Variants in GABRG3 observed in about 807,000 individuals in gnomAD.
The protein encoded by GABRG3 is gamma-aminobutyric acid receptor subunit gamma-3.
In GABRG3, 25 loss-of-function variants were observed where a neutral mutation model predicts 48.8. The observed-to-expected ratio is 0.51, with a 90% CI of 0.37 to 0.72. The LOEUF (loss-of-function observed/expected upper bound fraction) is 0.72. Ranked by LOEUF, GABRG3 falls within the 30% of genes least tolerant of loss-of-function variation. GABRG3 has a pLI of 0.00. For missense variants in GABRG3, 394 were observed against 577.9 expected (o/e 0.68, Z 3.26); for synonymous variants, 227 against 217.6 (o/e 1.04, Z -0.38).
chr15:27,396,179 C>A (rs1887293042), intron 5 of GABRG3, among the ~76,000 whole-genome samples: 1 of 152,126 alleles, frequency 6.6e-6, no homozygotes, highest in African/African-American at 2.4e-5. Flanking sequence ...TTACTAAAGT[C>A]TTTTGCTCTG....
In GABRG3 at chr15:27,140,872, T is replaced by A. The variant is rs1214913639; in HGVS notation, c.270+114051T>A. ...GGTTCTGATTCTCTGATTTTTGACATCTCATTTATATTTAAGAGTGAGGGA... is the reference window on the plus strand; with the variant it reads ...GGTTCTGATTCTCTGATTTTTGACAACTCATTTATATTTAAGAGTGAGGGA... On this transcript the variant is annotated intron_variant, in intron 3 of 9. Transcript: ENST00000615808. Among the ~76,000 whole-genome samples the A allele has an allele frequency of 2.0e-5, 3 of 152,330 alleles. No homozygotes were observed. The East Asian group carries it at 5.8e-4, about 29-fold the overall frequency.
At chr15:27,467,648 G>A (rs975853173) in intron 5 of GABRG3, among the ~76,000 whole-genome samples, 8 of 152,160 alleles carry the variant, frequency 5.3e-5, no homozygotes, top group Admixed American at 1.3e-4. Flanking sequence ...ATAGCCTTTA[G>A]TTCTATTTTT....
chr15:27,350,432 A>G (rs1199213960), intron 5 of GABRG3: 3 of 327,676 alleles, frequency 9.2e-6, no homozygotes, highest in African/African-American at 6.5e-5. Flanking sequence ...GTTTTTTCAA[A>G]TGGATATCAG....
chr15:27,309,039 C>T (rs963347796), intron 3 of GABRG3, among the ~76,000 whole-genome samples: 1 of 149,772 alleles, frequency 6.7e-6, no homozygotes, highest in African/African-American at 2.4e-5. Context: ...ATAATGTAAA[C>T]ATATGTTTAT....
chr15:27,023,065 A>G (rs1162449648), intron 2 of GABRG3, among the ~76,000 whole-genome samples: 2 of 152,242 alleles, frequency 1.3e-5, no homozygotes, highest in African/African-American at 2.4e-5. Flanking sequence ...ACTAATTCTC[A>G]ATTCTTAGGA....
intron 3 of GABRG3, among the ~76,000 whole-genome samples, chr15:27,130,836 A>G (rs117906506): frequency 2.0e-5 from 3 of 152,202 alleles, no homozygotes; most frequent in African/African-American, 4.8e-5. Flanking sequence ...ACGTGAAAAT[A>G]TAACTGATTT....
intron 3 of GABRG3, among the ~76,000 whole-genome samples, chr15:27,045,014 C>A (rs1896338686): frequency 6.6e-6 from 1 of 152,136 alleles, no homozygotes; most frequent in African/African-American, 2.4e-5. Flanking sequence ...ACAATCAATA[C>A]TAAAAAGTAA....
intron 3 of GABRG3, among the ~76,000 whole-genome samples, chr15:27,226,166 G>A (rs568107526): frequency 5.9e-5 from 9 of 152,174 alleles, no homozygotes; most frequent in African/African-American, 2.2e-4. Context: ...TGAGAATAGA[G>A]CGCCCAGGGA....
At chr15:27,403,921 A>C (rs1481069633) in intron 5 of GABRG3, among the ~76,000 whole-genome samples, 4 of 130,842 alleles carry the variant, frequency 3.1e-5, no homozygotes, top group Non-Finnish European at 4.6e-5. Context: ...AAACAAAAAA[A>C]AAAAAAACAA....
intron 3 of GABRG3, among the ~76,000 whole-genome samples, chr15:27,056,367 A>G (rs1398132809): frequency 2.0e-5 from 3 of 150,942 alleles, no homozygotes; most frequent in East Asian, 1.9e-4. Context: ...AAAAAAAAAA[A>G]AAAAAAGAAA....
intron 5 of GABRG3, among the ~76,000 whole-genome samples, chr15:27,403,562 T>C (rs1326404370): frequency 2.0e-5 from 3 of 151,994 alleles, no homozygotes; most frequent in Admixed American, 2.0e-4. Context: ...ACCTTGAGAG[T>C]TACTTCTCAA....
chr15:27,190,285 A>G (rs1010149197), intron 3 of GABRG3, among the ~76,000 whole-genome samples: 1 of 152,202 alleles, frequency 6.6e-6, no homozygotes, highest in Non-Finnish European at 1.5e-5. Context: ...TGATTGGAAT[A>G]GTTTCAGAAG....
intron 3 of GABRG3, among the ~76,000 whole-genome samples, chr15:27,244,456 A>G (rs1890217368): frequency 6.6e-6 from 1 of 152,250 alleles, no homozygotes; most frequent in Non-Finnish European, 1.5e-5. Context: ...CTTAGCTAAC[A>G]GAGAACATAT....
At chr15:27,512,142 G>A (rs1466736403) in intron 6 of GABRG3, among the ~76,000 whole-genome samples, 1 of 152,052 alleles carries the variant, frequency 6.6e-6, no homozygotes, top group Admixed American at 6.5e-5. Flanking sequence ...TATTTTAAAA[G>A]GATTATGTTG....
At chr15:27,146,442 G>A (rs774696964) in intron 3 of GABRG3, among the ~76,000 whole-genome samples, 3 of 152,168 alleles carry the variant, frequency 2.0e-5, no homozygotes, top group Non-Finnish European at 2.9e-5. Context: ...GCGTGACACG[G>A]TGAGACTCTG....
intron 3 of GABRG3, among the ~76,000 whole-genome samples, chr15:27,292,181 C>G (rs1393610411): frequency 1.3e-5 from 2 of 149,030 alleles, no homozygotes; most frequent in African/African-American, 2.5e-5. Context: ...TTTATCCAGT[C>G]TATCATTGAT....
At chr15:27,470,271 C>T (rs142620487) in intron 5 of GABRG3, among the ~76,000 whole-genome samples, 17 of 149,154 alleles carry the variant, frequency 1.1e-4, no homozygotes, top group African/African-American at 3.2e-4. Flanking sequence ...GGCGGAGTCT[C>T]GCTCTGTAAT....
chr15:27,251,000 TCCACACTTG>T (rs1045822174), intron 3 of GABRG3, among the ~76,000 whole-genome samples: 6 of 152,154 alleles, frequency 3.9e-5, no homozygotes, highest in African/African-American at 1.4e-4. Context: ...CACAGTGCAG[TCCACACTTG>T]CAGGTCGCAG....
intron 2 of GABRG3, among the ~76,000 whole-genome samples, chr15:27,015,676 C>T (rs1014111923): frequency 1.5e-4 from 23 of 152,048 alleles, no homozygotes; most frequent in Admixed American, 9.2e-4. Flanking sequence ...TGTGAGCCAC[C>T]GCGCCCGGCC....
Sources: allele counts gnomAD v4.1 joint callset (sites outside exome capture counted in the v4.1 genomes callset), GRCh38; gene constraint gnomAD v4.1.1; transcripts MANE v1.5; gene names NCBI Gene and HGNC (gene_info 2026-07-23, HGNC 2026-07-21).